Variants in GUCY1A2 observed in about 807,000 individuals in gnomAD.
GUCY1A2 encodes guanylate cyclase 1 soluble subunit alpha 2, also known as guanylate cyclase soluble subunit alpha-2.
In GUCY1A2, 27 loss-of-function variants were observed where a neutral mutation model predicts 63.5. That is an observed-to-expected ratio of 0.43 (90% confidence interval 0.31 to 0.59). The LOEUF (loss-of-function observed/expected upper bound fraction) is 0.59. Among genes scored for constraint, GUCY1A2 ranks in the 20% least tolerant of loss-of-function variants. The probability of loss-of-function intolerance (pLI) is 0.11; values close to 1 mark genes in which losing one functional copy is unlikely to be tolerated. For missense variants in GUCY1A2, 768 were observed against 913.3 expected, an observed-to-expected ratio of 0.84 and a Z score of 2.05; for synonymous variants, 364 against 343.5, an observed-to-expected ratio of 1.06 and a Z score of -0.66.
chr11:106,752,371 T>C (rs1383626489), intron 6 of GUCY1A2, among the ~76,000 whole-genome samples: 2 of 152,292 alleles, frequency 1.3e-5, no homozygotes, highest in East Asian at 3.9e-4. Context: ...CAATAGAATA[T>C]AGTTTTATTA....
At chr11:106,793,994 G>A (rs995649882) in intron 5 of GUCY1A2, among the ~76,000 whole-genome samples, 4 of 152,052 alleles carry the variant, frequency 2.6e-5, no homozygotes, top group Non-Finnish European at 4.4e-5. Flanking sequence ...TCCACTTCTG[G>A]ATACATATCC....
chr11:106,872,855 T>C (rs987103039), intron 4 of GUCY1A2, among the ~76,000 whole-genome samples: 2 of 152,152 alleles, frequency 1.3e-5, no homozygotes, highest in Non-Finnish European at 2.9e-5. Flanking sequence ...ATTTGTTACA[T>C]AGGTATACAT....
At chr11:106,876,914 A>G (rs1859757467) in intron 4 of GUCY1A2, among the ~76,000 whole-genome samples, 1 of 152,086 alleles carries the variant, frequency 6.6e-6, no homozygotes, top group African/African-American at 2.4e-5. Flanking sequence ...ACATGACAAA[A>G]GAGACTTTGC....
chr11:106,699,863 G>A (rs927447829), intron 7 of GUCY1A2, among the ~76,000 whole-genome samples: 2 of 151,518 alleles, frequency 1.3e-5, no homozygotes, highest in African/African-American at 4.9e-5. Flanking sequence ...CTCACTGCAA[G>A]CTCCGCCTCC....
chr11:106,713,506 T>C (rs1251466839), intron 6 of GUCY1A2, among the ~76,000 whole-genome samples: 5 of 132,872 alleles, frequency 3.8e-5, no homozygotes, highest in African/African-American at 8.7e-5. Context: ...CTTTTTTTTT[T>C]TTTTTTTTTT....
chr11:106,870,117 AG>A (rs1459630170), intron 4 of GUCY1A2, among the ~76,000 whole-genome samples: 1 of 28,390 alleles, frequency 3.5e-5, no homozygotes, highest in Non-Finnish European at 7.0e-5. Flanking sequence ...AGGGGGGGGG[AG>A]GGGGGAGGGA....
chr11:106,949,210 C>T (rs1860871535), intron 3 of GUCY1A2, among the ~76,000 whole-genome samples: 2 of 151,876 alleles, frequency 1.3e-5, no homozygotes, highest in African/African-American at 4.8e-5. Flanking sequence ...AATTATACAT[C>T]TCATCATATT....
At chr11:106,957,855 C>CTTT (rs59519013) in intron 3 of GUCY1A2, among the ~76,000 whole-genome samples, 27 of 87,260 alleles carry the variant, frequency 3.1e-4, no homozygotes, top group African/African-American at 8.9e-4. Context: ...AAGGGACAAA[C>CTTT]TTTTTTTTTT....
At chr11:106,915,860 G>A (rs1327693010) in intron 4 of GUCY1A2, among the ~76,000 whole-genome samples, 1 of 144,712 alleles carries the variant, frequency 6.9e-6, no homozygotes, top group East Asian at 2.1e-4. Context: ...AGCCACTTTG[G>A]ATTTAAGAAC....
At chr11:106,921,903 T>C (rs746785988) in intron 4 of GUCY1A2, among the ~76,000 whole-genome samples, 24 of 152,148 alleles carry the variant, frequency 1.6e-4, no homozygotes, top group Admixed American at 3.3e-4. Flanking sequence ...CAGTGACTAG[T>C]ACAAAGTAGG....
intron 2 of GUCY1A2, 91 bp downstream of exon 2, chr11:106,985,979 T>G (rs575091900): frequency 2.6e-6 from 2 of 772,750 alleles, no homozygotes; most frequent in African/African-American, 3.4e-5. Flanking sequence ...CAGGTTGACC[T>G]GGGTAGCAGA....
chr11:106,843,374 C>A (rs1487893), intron 4 of GUCY1A2, among the ~76,000 whole-genome samples: 138,149 of 151,760 alleles, frequency 0.91, 62,958 homozygotes, highest in East Asian at 1. Flanking sequence ...CTATGCATGT[C>A]ACCAACTACC....
At chr11:106,697,467 A>C (rs908538233) in intron 7 of GUCY1A2, among the ~76,000 whole-genome samples, 4 of 152,194 alleles carry the variant, frequency 2.6e-5, no homozygotes, top group African/African-American at 9.7e-5. Context: ...TTTAAATAAT[A>C]CAATTCATGA....
intron 4 of GUCY1A2, chr11:106,827,325 A>G (rs1481825921): frequency 6.4e-7 from 1 of 1,553,950 alleles, no homozygotes; most frequent in African/African-American, 1.4e-5. Flanking sequence ...TCAAGAATTC[A>G]GCTGCTCCTG....
chr11:106,841,834 A>C (rs1162719541), intron 4 of GUCY1A2, among the ~76,000 whole-genome samples: 1 of 151,980 alleles, frequency 6.6e-6, no homozygotes, highest in Non-Finnish European at 1.5e-5. Flanking sequence ...ACAAGCACAA[A>C]TGAAACCTTT....
At chr11:106,884,944 C>A (rs914085343) in intron 4 of GUCY1A2, among the ~76,000 whole-genome samples, 6 of 152,102 alleles carry the variant, frequency 3.9e-5, no homozygotes, top group South Asian at 2.1e-4. Flanking sequence ...CCGGCCTAGT[C>A]AGCCACTCAA....
At chr11:107,015,637 A>C (rs1436535280) in intron 1 of GUCY1A2, among the ~76,000 whole-genome samples, 1 of 144,562 alleles carries the variant, frequency 6.9e-6, no homozygotes, top group Non-Finnish European at 1.5e-5. Flanking sequence ...CAAACTAATC[A>C]TTATCTTTAG....
At chr11:106,922,699 ATATATATATATATAT>A (rs1860464790) in intron 4 of GUCY1A2, among the ~76,000 whole-genome samples, 1 of 128,808 alleles carries the variant, frequency 7.8e-6, no homozygotes, top group Non-Finnish European at 1.6e-5. Flanking sequence ...ATATATATAT[ATATATATATATATAT>A]ATGTACTCAC....
At chr11:106,807,671 G>A (rs1461504581) in intron 5 of GUCY1A2, among the ~76,000 whole-genome samples, 1 of 152,170 alleles carries the variant, frequency 6.6e-6, no homozygotes, top group Non-Finnish European at 1.5e-5. Flanking sequence ...GTCTATGAGG[G>A]TGTTGCCAAA....
Sources: allele counts gnomAD v4.1 joint callset (sites outside exome capture counted in the v4.1 genomes callset), GRCh38; gene constraint gnomAD v4.1.1; transcripts MANE v1.5; gene names NCBI Gene and HGNC (gene_info 2026-07-23, HGNC 2026-07-21).